The following MACROD2 variants were observed in gnomAD, a reference collection of about 807,000 sequenced individuals.
MACROD2 encodes mono-ADP ribosylhydrolase 2.
Under a neutral mutation model 70.4 loss-of-function variants are expected in MACROD2, and 36 were observed. The ratio of observed to expected loss-of-function variants is 0.51; its 90% CI spans 0.39 to 0.68. MACROD2 has a LOEUF of 0.68. MACROD2 is among the 30% of genes least tolerant of loss of function. The pLI is 0.00. For missense variants in MACROD2, 496 were observed against 538.4 expected (o/e 0.92, Z 0.78); for synonymous variants, 172 against 178.8 (o/e 0.96, Z 0.30).
intron 8 of MACROD2, among the ~76,000 whole-genome samples, chr20:15,539,687 A>T (rs2047927896): frequency 6.6e-6 from 1 of 152,164 alleles, no homozygotes; most frequent in Admixed American, 6.5e-5. Flanking sequence ...TCAGTAAATA[A>T]CTACTTAGAA....
intron 6 of MACROD2, among the ~76,000 whole-genome samples, chr20:15,329,845 C>CA (rs2077973422): frequency 6.6e-6 from 1 of 152,044 alleles, no homozygotes; most frequent in South Asian, 2.1e-4. Flanking sequence ...CGTGCTACCC[C>CA]AAAATGCTGC....
At chr20:15,469,888 C>CTTTAT (rs1244760138) in intron 7 of MACROD2, among the ~76,000 whole-genome samples, 2 of 152,082 alleles carry the variant, frequency 1.3e-5, no homozygotes, top group African/African-American at 4.8e-5. Flanking sequence ...TATGAGGTCT[C>CTTTAT]TTTATTTCCA....
chr20:14,021,427 C>T (rs2053078735), intron 2 of MACROD2, among the ~76,000 whole-genome samples: 1 of 152,162 alleles, frequency 6.6e-6, no homozygotes, highest in Non-Finnish European at 1.5e-5. Flanking sequence ...TGCTCTTTTT[C>T]ACCTGAGTTT....
intron 5 of MACROD2, among the ~76,000 whole-genome samples, chr20:14,875,707 G>A (rs1177721662): frequency 6.6e-6 from 1 of 151,886 alleles, no homozygotes; most frequent in East Asian, 1.9e-4. Flanking sequence ...CCAGTGTTTG[G>A]CTCACACTTA....
intron 5 of MACROD2, among the ~76,000 whole-genome samples, chr20:15,109,242 A>G (rs2075935865): frequency 6.6e-6 from 1 of 152,218 alleles, no homozygotes; most frequent in African/African-American, 2.4e-5. Flanking sequence ...TAAAAGTGAT[A>G]GATTCCTGGA....
intron 6 of MACROD2, among the ~76,000 whole-genome samples, chr20:15,272,292 T>C (rs2077352677): frequency 1.3e-5 from 2 of 152,212 alleles, no homozygotes; most frequent in African/African-American, 4.8e-5. Context: ...AAAATGTTTT[T>C]CACAAAAATA....
At chr20:15,234,322 G>A (rs1461898511) in intron 6 of MACROD2, among the ~76,000 whole-genome samples, 3 of 151,240 alleles carry the variant, frequency 2.0e-5, no homozygotes, top group African/African-American at 4.9e-5. Context: ...GTGAGCCACC[G>A]CGCCCGGCCT....
rs1360664114 is a variant in MACROD2 at position 14,439,174 on chromosome 20, C to T, written c.272-54305C>T. 2.0e-5 allele frequency among the ~76,000 whole-genome samples: 3 copies of T among 152,050 alleles called. 1 individual carries two copies. Among genetic ancestry groups the T allele is most frequent in the African/African-American group, 7.2e-5 (3 of 41,400 alleles). ...TGAGGAGACTATTTTTTCCTCTTTGCGTCCAGTTGGTGATCTTGTCAAAAA... is the reference window on the plus strand; with the variant it reads ...TGAGGAGACTATTTTTTCCTCTTTGTGTCCAGTTGGTGATCTTGTCAAAAA... On this transcript the variant is annotated intron_variant, in intron 3 of 17. Coordinates refer to ENST00000684519, the MANE Select transcript of MACROD2 (RefSeq NM_001351661.2).
intron 3 of MACROD2, among the ~76,000 whole-genome samples, chr20:14,450,600 T>C (rs1236790580): frequency 6.6e-6 from 1 of 152,144 alleles, no homozygotes; most frequent in Non-Finnish European, 1.5e-5. Flanking sequence ...AACTTTGCTT[T>C]GGTTTCATAA....
intron 8 of MACROD2, among the ~76,000 whole-genome samples, chr20:15,533,629 G>C (rs2047835558): frequency 6.6e-6 from 1 of 151,608 alleles, no homozygotes. Flanking sequence ...CTGGTACAGG[G>C]GAAAGTAACT....
chr20:15,043,653 G>A (rs1216641447), intron 5 of MACROD2, among the ~76,000 whole-genome samples: 4 of 152,136 alleles, frequency 2.6e-5, no homozygotes, highest in Admixed American at 2.6e-4. Context: ...ATGGTGGAGA[G>A]GAGCTCTTTT....
At chr20:14,569,056 CA>C (rs1380692085) in intron 4 of MACROD2, among the ~76,000 whole-genome samples, 3 of 151,810 alleles carry the variant, frequency 2.0e-5, no homozygotes, top group Middle Eastern at 6.8e-3. Flanking sequence ...TGTTTTGCTT[CA>C]AAAAAACAAA....
chr20:15,177,993 T>C (rs1257233553), intron 5 of MACROD2, among the ~76,000 whole-genome samples: 2 of 152,030 alleles, frequency 1.3e-5, no homozygotes, highest in African/African-American at 4.8e-5. Context: ...GCAGGAAGCA[T>C]TGGTTTACAC....
chr20:14,100,802 GAT>G (rs1441989366), intron 3 of MACROD2, among the ~76,000 whole-genome samples: 2 of 127,882 alleles, frequency 1.6e-5, no homozygotes, highest in Non-Finnish European at 3.3e-5. Flanking sequence ...TATTATATAT[GAT>G]ATATAATCAT....
intron 5 of MACROD2, among the ~76,000 whole-genome samples, chr20:15,059,384 CA>C (rs5840647): frequency 0.99 from 150,148 of 151,078 alleles, 74,612 homozygotes; most frequent in Middle Eastern, 1. Flanking sequence ...GACTTTGTCT[CA>C]AAAAAAAAGA....
rs1165796772 is a variant in MACROD2 at position 14,423,755 on chromosome 20, A to ATT, written c.272-69701_272-69700dup. 8.9e-3 allele frequency among the ~76,000 whole-genome samples: 559 copies of ATT among 63,022 alleles called. 3 individuals carry two copies. Among genetic ancestry groups the ATT allele is most frequent in the African/African-American group, 0.014 (242 of 17,096 alleles). The allele number at this position is 63,022 out of a possible 152,430, so 41.3% of individuals were successfully genotyped here. A position where few individuals can be genotyped will look rare whatever the true frequency, so the allele number is the denominator to read the frequency against. On this transcript the variant is annotated intron_variant, in intron 3 of 17. Transcript: ENST00000684519. The stretch of plus-strand genomic sequence containing the variant: ...GTCCACCATTTTGCTGACATCTTAA[A>ATT]TTTTTTTTTTTTTTTTTTTTTTTTG...
intron 6 of MACROD2, among the ~76,000 whole-genome samples, chr20:15,298,681 A>T (rs1321535141): frequency 6.6e-6 from 1 of 152,190 alleles, no homozygotes; most frequent in East Asian, 1.9e-4. Context: ...TGGGGGTCAC[A>T]CCAATGGTTG....
At chr20:14,782,766 C>T (rs2072318087) in intron 5 of MACROD2, among the ~76,000 whole-genome samples, 2 of 152,104 alleles carry the variant, frequency 1.3e-5, no homozygotes, top group Admixed American at 1.3e-4. Flanking sequence ...TTGTTAATCT[C>T]AAGATCACTC....
intron 4 of MACROD2, among the ~76,000 whole-genome samples, chr20:14,619,189 C>G (rs1175728591): frequency 6.6e-6 from 1 of 151,926 alleles, no homozygotes; most frequent in South Asian, 2.1e-4. Context: ...AGTATTTTGT[C>G]TCAGGAGCCT....
Sources: gnomAD v4.1 joint callset for allele counts (sites outside exome capture counted in the v4.1 genomes callset) on GRCh38, gnomAD v4.1.1 for gene constraint, MANE v1.5 for transcripts, NCBI Gene and HGNC (gene_info 2026-07-23, HGNC 2026-07-21) for gene names.